Variants in ZZEF1 observed in about 807,000 individuals in gnomAD.
The protein encoded by ZZEF1 is zinc finger ZZ-type and EF-hand domain containing 1, also known as zinc finger ZZ-type and EF-hand domain-containing protein 1.
A neutral mutation model predicts 342.8 loss-of-function variants in ZZEF1; 157 were observed. The ratio of observed to expected loss-of-function variants is 0.46; its 90% CI spans 0.40 to 0.52. The LOEUF (loss-of-function observed/expected upper bound fraction) is 0.52, where lower values mean the gene tolerates loss of function less well. Ranked by LOEUF, ZZEF1 falls within the 20% of genes least tolerant of loss-of-function variation. The pLI, the probability that ZZEF1 is intolerant of heterozygous loss-of-function variation, is 0.00. For synonymous variants in ZZEF1, 1,505 were observed against 1,429.1 expected (o/e 1.05, Z -1.20); for missense variants, 3,480 against 3,725.6 (o/e 0.93, Z 1.72).
At chr17:4,025,168 T>C (rs373694144) in intron 42 of ZZEF1, 50 bp from the exon 43 acceptor site, 1 of 1,557,990 alleles carries the variant, frequency 6.4e-7, no homozygotes. Flanking sequence ...GTACAGTTCA[T>C]GCTTCCAGCA....
intron 26 of ZZEF1, 107 bp downstream of exon 26, chr17:4,070,577 G>C: frequency 1.5e-6 from 2 of 1,292,166 alleles, no homozygotes; most frequent in East Asian, 2.5e-5. Context: ...TACAGTTATA[G>C]AAATGTGTTT....
intron 12 of ZZEF1, among the ~76,000 whole-genome samples, chr17:4,089,383 CTT>C (rs1218048992): frequency 6.6e-6 from 1 of 152,190 alleles, no homozygotes; most frequent in Non-Finnish European, 1.5e-5. Flanking sequence ...GGTGAGCGCT[CTT>C]TGTTAAGGGC....
chr17:4,111,142 GATAC>G (rs1246270933), intron 5 of ZZEF1, among the ~76,000 whole-genome samples: 1 of 152,150 alleles, frequency 6.6e-6, no homozygotes. Context: ...TATGTGAACA[GATAC>G]ATACAGCTCT....
At chr17:4,097,618 T>C (rs2058059749) in intron 9 of ZZEF1, among the ~76,000 whole-genome samples, 1 of 112,338 alleles carries the variant, frequency 8.9e-6, no homozygotes, top group Admixed American at 9.3e-5. Flanking sequence ...ACATGATTCT[T>C]GTCCACAGAA....
chr17:4,028,275 A>G (rs1246977883), intron 42 of ZZEF1, among the ~76,000 whole-genome samples: 2 of 152,194 alleles, frequency 1.3e-5, no homozygotes, highest in East Asian at 3.9e-4. Context: ...CTGGCCAGGC[A>G]TGGTGGTTCA....
In ZZEF1 at chr17:4,142,671, C is replaced by T; in HGVS notation, c.225G>A (p.Arg75=). The T allele has an allele frequency of 6.2e-7, 1 of 1,607,334 alleles. No individual in the cohort carries two copies. Residue 75 remains arginine, a synonymous_variant, in exon 1 of 55, where the codon AGG becomes AGA. Coordinates refer to ENST00000381638, the MANE Select transcript of ZZEF1 (RefSeq NM_015113.4). The part of the protein sequence containing the change: ...PTPPCESLVS[R]HRGALFRWLE... Reference sequence around the variant, plus strand: ...GCCAGCGAAACAACGCGCCGCGATGCCTCGACACCAGCGACTCGCAGGGGG... The same window carrying T: ...GCCAGCGAAACAACGCGCCGCGATGTCTCGACACCAGCGACTCGCAGGGGG...
chr17:4,074,141 T>C lies in ZZEF1; in HGVS notation c.3685+9A>G, dbSNP rs2057562566. The C allele has an allele frequency of 3.1e-6, 5 of 1,613,504 alleles. No individual in the cohort carries two copies. The highest frequency in any genetic ancestry group is 3.4e-6 in the Non-Finnish European group (4 of 1,179,852). On this transcript the variant is annotated intron_variant, in intron 24 of 54. Coordinates refer to ENST00000381638, the MANE Select transcript of ZZEF1 (RefSeq NM_015113.4). ...TGTAAGAAGGGAAAGCACAGGGATGTGCACTTACGGCGCACAGACTTGAGC... is the reference window on the plus strand; with the variant it reads ...TGTAAGAAGGGAAAGCACAGGGATGCGCACTTACGGCGCACAGACTTGAGC...
Position 4,142,697 on chromosome 17 carries a change from G to A in ZZEF1, c.199C>T (p.Pro67Ser), listed in dbSNP as rs1455928327. 5 of 1,603,960 alleles carry A rather than the reference G, an allele frequency of 3.1e-6. No individual in the cohort carries two copies. The highest frequency in any genetic ancestry group is 1.7e-6 in the Non-Finnish European group (2 of 1,178,436). The change falls in exon 1 of 55, where the codon CCC becomes TCC. Residue 67 changes from proline (P) to serine (S), a missense_variant. Coordinates refer to ENST00000381638, the MANE Select transcript of ZZEF1 (RefSeq NM_015113.4). The part of the protein sequence containing the change: ...REAAAALLPT[P>S]PCESLVSRHR... ...CTCGACACCAGCGACTCGCAGGGGGGTGTGGGCAGCAACGCTGCAGCAGCC... is the reference window on the plus strand; with the variant it reads ...CTCGACACCAGCGACTCGCAGGGGGATGTGGGCAGCAACGCTGCAGCAGCC...
intron 1 of ZZEF1, among the ~76,000 whole-genome samples, chr17:4,133,270 C>A (rs2058698457): frequency 6.9e-6 from 1 of 144,930 alleles, no homozygotes; most frequent in Non-Finnish European, 1.5e-5. Context: ...GTCATTTATT[C>A]CTCATAACAG....
chr17:4,071,930 CT>C (rs987126410), intron 25 of ZZEF1, among the ~76,000 whole-genome samples: 6 of 151,858 alleles, frequency 4.0e-5, no homozygotes, highest in African/African-American at 1.2e-4. Context: ...GGAAGAAAGC[CT>C]GAATAAAGCC....
intron 39 of ZZEF1, among the ~76,000 whole-genome samples, chr17:4,036,817 A>ACTCT (rs368445866): frequency 0.02 from 1,425 of 72,432 alleles, 32 homozygotes; most frequent in African/African-American, 0.037. Flanking sequence ...ACACACACAC[A>ACTCT]CTCTCTCTCT....
chr17:4,082,018 C>A (rs1028459078), intron 17 of ZZEF1, among the ~76,000 whole-genome samples: 1 of 152,198 alleles, frequency 6.6e-6, no homozygotes, highest in Non-Finnish European at 1.5e-5. Context: ...CCTGTAGGCC[C>A]ATTTAGCTTC....
rs371796447 is a variant in ZZEF1 at position 4,076,912 on chromosome 17, C to T, written c.3067G>A (p.Glu1023Lys). 1 of 1,614,072 alleles carries T rather than the reference C, an allele frequency of 6.2e-7. No individual in the cohort carries two copies. The highest frequency in any genetic ancestry group is 1.3e-5 in the African/African-American group (1 of 74,922). ...GAAAACACTGAGTTACATAATCTTT[C>T]TACTATGGTTTTTCCACTGTACTGT... ...FSQYSGKTIV[E>K]RLCNSVFSMA... The change falls in exon 20 of 55, where the codon GAA becomes AAA. Residue 1023 changes from glutamate to lysine, a missense_variant. Around this residue, in one of 5 missense-constraint regions of ZZEF1, gnomAD observed 1,528 missense variants for 1,624.1 expected, o/e 0.94. Coordinates refer to ENST00000381638, the MANE Select transcript of ZZEF1 (RefSeq NM_015113.4).
Position 4,142,788 on chromosome 17 carries a change from G to A in ZZEF1, c.108C>T (p.Gly36=). ...GTAGCGCTGGAGCCGCGACGCCCGG[G>A]CCGGGGGTCGTGCCCGAGACCGCGG... is the stretch of plus-strand genomic sequence containing the variant. ...DWAAVSGTTP[G]PGVAAPALPP... Residue 36 remains glycine, a synonymous_variant, in exon 1 of 55, where the codon GGC becomes GGT. Coordinates refer to ENST00000381638, the MANE Select transcript of ZZEF1 (RefSeq NM_015113.4). 2 of 1,416,086 alleles carry A rather than the reference G, an allele frequency of 1.4e-6. No homozygotes were observed. The highest frequency in any genetic ancestry group is 1.8e-6 in the Non-Finnish European group (2 of 1,096,898). The allele number at this position is 1,416,086 out of a possible 1,614,324, so 87.7% of individuals were successfully genotyped here.
rs1289431007 is a variant in ZZEF1 at position 4,070,708 on chromosome 17, A to C, written c.4051T>G (p.Leu1351Val). The C allele has an allele frequency of 2.5e-6, 4 of 1,613,942 alleles. No homozygotes were observed. Among genetic ancestry groups the C allele is most frequent in the Non-Finnish European group, 3.4e-6 (4 of 1,179,962 alleles). ...CCATATTTTTGCAGCTTCTCATATA[A>C]ATCTGGAGTGCGATACACCAGAGCA... ...FAALVYRTPD[L>V]YEKLQKYVNS... The change falls in exon 26 of 55, where the codon TTA becomes GTA. Residue 1351 changes from leucine (L) to valine (V), a missense_variant. Physicochemically the swap from Leu to Val is conservative, Grantham distance 32. Around this residue, in one of 5 missense-constraint regions of ZZEF1, gnomAD observed 1,528 missense variants for 1,624.1 expected, o/e 0.94. Transcript: ENST00000381638.
chr17:4,066,010 A>C (rs2057385052), intron 28 of ZZEF1, among the ~76,000 whole-genome samples: 1 of 151,896 alleles, frequency 6.6e-6, no homozygotes, highest in Non-Finnish European at 1.5e-5. Context: ...ACAAAGAGGA[A>C]AAAAAAATTT....
rs951748609 is a variant in ZZEF1 at position 4,014,601 on chromosome 17, G to C, written c.8146-86C>G. ...TGTCCCATGCCGAGTCCTGTGGCTG[G>C]ACCCGGGTGTGTGAGAATGAGTGAA... On this transcript the variant is annotated intron_variant, in intron 49 of 54. Coordinates refer to ENST00000381638, the MANE Select transcript of ZZEF1 (RefSeq NM_015113.4). The surrounding 1 kb of genome is among the most constrained non-coding windows in gnomAD (Gnocchi z 4.4). The C allele has an allele frequency of 2.1e-6, 3 of 1,441,532 alleles. No individual in the cohort carries two copies. Among genetic ancestry groups the C allele is most frequent in the Admixed American group, 3.5e-5 (2 of 57,602 alleles). 89.3% of individuals were successfully genotyped at this position (1,441,532 alleles called of 1,614,324 possible). A position where few individuals can be genotyped will look rare whatever the true frequency, so the allele number is the denominator to read the frequency against.
chr17:4,044,236 T>C lies in ZZEF1; in HGVS notation c.6154A>G (p.Thr2052Ala), dbSNP rs2056862143. The part of the protein sequence containing the change: ...SDSPADASPP[T>A]GLPDAEDSEV... ...AAATAGTCTTTACCTGGAAGTCCTG[T>C]AGGTGGGCTAGCATCTGCAGGTGAA... Residue 2052 changes from threonine to alanine, a missense_variant, in exon 38 of 55, where the codon ACA becomes GCA. By Grantham distance (58) the Thr-to-Ala change is moderately conservative (BLOSUM62 0). Transcript: ENST00000381638. 2 of 1,613,636 alleles carry C rather than the reference T, an allele frequency of 1.2e-6. No homozygotes were observed. Among genetic ancestry groups the C allele is most frequent in the Admixed American group, 1.7e-5 (1 of 59,902 alleles).
chr17:4,015,392 G>A (rs529795736), intron 49 of ZZEF1, among the ~76,000 whole-genome samples: 39 of 152,342 alleles, frequency 2.6e-4, no homozygotes. Context: ...ATCCACCTTC[G>A]CTGCTGCAGG....
Sources: allele counts gnomAD v4.1 joint callset (sites outside exome capture counted in the v4.1 genomes callset), GRCh38; gene constraint gnomAD v4.1.1; regional missense constraint gnomAD v4.1.1; non-coding constraint Gnocchi (gnomAD v3.1); transcripts MANE v1.5; gene names NCBI Gene and HGNC (gene_info 2026-07-23, HGNC 2026-07-21).